Variants in PRKAG2 observed in about 807,000 individuals in gnomAD.
The protein encoded by PRKAG2 is protein kinase AMP-activated non-catalytic subunit gamma 2.
Under a neutral mutation model 69.6 loss-of-function variants are expected in PRKAG2, and 26 were observed. The ratio of observed to expected loss-of-function variants is 0.37; its 90% CI spans 0.27 to 0.52. PRKAG2 has a LOEUF of 0.52. Ranked by LOEUF, PRKAG2 falls within the 20% of genes least tolerant of loss-of-function variation. The pLI is 0.90. For synonymous variants in PRKAG2, 293 were observed against 285.0 expected, an observed-to-expected ratio of 1.03 and a Z score of -0.28; for missense variants, 557 against 740.0, an observed-to-expected ratio of 0.75 and a Z score of 2.87.
intron 3 of PRKAG2, among the ~76,000 whole-genome samples, chr7:151,725,400 A>C (rs1380535510): frequency 2.0e-5 from 3 of 151,984 alleles, no homozygotes; most frequent in Non-Finnish European, 4.4e-5. Context: ...ATGGGGAGTC[A>C]GGGTTGATGG....
intron 4 of PRKAG2, among the ~76,000 whole-genome samples, chr7:151,672,633 G>A (rs13228496): frequency 1.3e-4 from 20 of 151,780 alleles, no homozygotes; most frequent in Non-Finnish European, 2.5e-4. Flanking sequence ...TGCAGTATGC[G>A]TCCTTTTGTG....
intron 1 of PRKAG2, among the ~76,000 whole-genome samples, chr7:151,873,032 A>G (rs2080257684): frequency 6.6e-6 from 1 of 152,238 alleles, no homozygotes; most frequent in African/African-American, 2.4e-5. Context: ...TACCTATGCT[A>G]AAACATGATT....
chr7:151,669,895 C>CACCTGCATGCACAT (rs1554527009), intron 4 of PRKAG2, among the ~76,000 whole-genome samples: 2 of 151,208 alleles, frequency 1.3e-5, no homozygotes, highest in South Asian at 2.1e-4. Flanking sequence ...CATGCACACA[C>CACCTGCATGCACAT]ACCTGCATGC....
At chr7:151,607,677 A>G (rs2151198577) in intron 5 of PRKAG2, among the ~76,000 whole-genome samples, 1 of 152,172 alleles carries the variant, frequency 6.6e-6, no homozygotes, top group East Asian at 1.9e-4. Flanking sequence ...TAGGAATCTC[A>G]TCTCTAGGAT....
intron 3 of PRKAG2, among the ~76,000 whole-genome samples, chr7:151,730,445 C>G (rs537850922): frequency 6.6e-6 from 1 of 152,292 alleles, no homozygotes; most frequent in East Asian, 1.9e-4. Context: ...CGTGGAGGAT[C>G]GCTTGAGCCC....
At chr7:151,669,985 C>T (rs927130755) in intron 4 of PRKAG2, among the ~76,000 whole-genome samples, 6 of 112,248 alleles carry the variant, frequency 5.3e-5, no homozygotes, top group African/African-American at 2.1e-4. Context: ...TGTGCACACA[C>T]ACTTGCATGC....
At chr7:151,652,356 C>A (rs1828673446) in intron 4 of PRKAG2, among the ~76,000 whole-genome samples, 2 of 152,138 alleles carry the variant, frequency 1.3e-5, no homozygotes, top group Non-Finnish European at 2.9e-5. Flanking sequence ...GAGAATTCCA[C>A]CGAATTCTTC....
chr7:151,874,515 A>T lies in PRKAG2; in HGVS notation c.114+1992T>A, dbSNP rs772992792. On this transcript the variant is annotated intron_variant, in intron 1 of 15. Transcript: ENST00000287878. ...ATGTATATGTATATGATGTATATGT[A>T]TATGTATATGATGTATATGTATATG... Among the ~76,000 whole-genome samples the T allele has an allele frequency of 3.2e-4, 37 of 117,428 alleles. 3 individuals are homozygous for T. The highest frequency in any genetic ancestry group is 4.1e-3 in the Middle Eastern group (1 of 242). The allele number at this position is 117,428 out of a possible 152,430, so 77.0% of individuals were successfully genotyped here. A position where few individuals can be genotyped will look rare whatever the true frequency, so the allele number is the denominator to read the frequency against.
intron 3 of PRKAG2, among the ~76,000 whole-genome samples, chr7:151,690,921 T>C (rs1443076538): frequency 6.6e-6 from 1 of 152,248 alleles, no homozygotes; most frequent in Admixed American, 6.5e-5. Flanking sequence ...CCATGGGGCC[T>C]GGTGCACTGT....
chr7:151,764,099 T>A (rs1246530543), intron 3 of PRKAG2, among the ~76,000 whole-genome samples: 1 of 152,130 alleles, frequency 6.6e-6, no homozygotes, highest in Non-Finnish European at 1.5e-5. Flanking sequence ...TTTGCGCAGG[T>A]GGACGGGGTG....
rs547066899 is a variant in PRKAG2, at chr7:151,634,526, TA to T, written c.685-2389del. On this transcript the variant is annotated intron_variant, in intron 4 of 15. Transcript: ENST00000287878. ...GAGGATGAAAAGAAAAGCTACACAG[TA>T]GGAGAAAATACTTGCAAATCACATA... Among the ~76,000 whole-genome samples the T allele has an allele frequency of 3.1e-4, 47 of 152,180 alleles. 1 individual carries two copies. The East Asian group carries it at 7.3e-3, about 24-fold the overall frequency.
At chr7:151,795,462 T>A (rs1019158476) in intron 1 of PRKAG2, among the ~76,000 whole-genome samples, 3 of 152,016 alleles carry the variant, frequency 2.0e-5, no homozygotes, top group African/African-American at 7.2e-5. Context: ...GGGGAGGGGA[T>A]GTTATGGGAC....
intron 6 of PRKAG2, among the ~76,000 whole-genome samples, chr7:151,590,276 G>A (rs910376158): frequency 6.6e-6 from 1 of 152,244 alleles, no homozygotes; most frequent in Non-Finnish European, 1.5e-5. Context: ...CCCACAGACA[G>A]AGAACCCAAC....
At chr7:151,648,185 C>A (rs1827871455) in intron 4 of PRKAG2, among the ~76,000 whole-genome samples, 1 of 152,090 alleles carries the variant, frequency 6.6e-6, no homozygotes, top group Non-Finnish European at 1.5e-5. Flanking sequence ...TCAGCTATGC[C>A]TCCCAAACTT....
chr7:151,598,877 G>A (rs1225183931), intron 5 of PRKAG2, among the ~76,000 whole-genome samples: 1 of 151,168 alleles, frequency 6.6e-6, no homozygotes, highest in Admixed American at 6.6e-5. Flanking sequence ...TTGAGACAGA[G>A]TTTAGCTCTT....
At chr7:151,800,991 A>C (rs1385280570) in intron 1 of PRKAG2, among the ~76,000 whole-genome samples, 1 of 152,184 alleles carries the variant, frequency 6.6e-6, no homozygotes, top group African/African-American at 2.4e-5. Flanking sequence ...AGGTTCTGTA[A>C]ACCTAAAACT....
chr7:151,702,331 A>G (rs1226576048), intron 3 of PRKAG2, among the ~76,000 whole-genome samples: 2 of 152,210 alleles, frequency 1.3e-5, no homozygotes, highest in African/African-American at 4.8e-5. Flanking sequence ...TCAAAGGGAC[A>G]TCAGTAGGCA....
chr7:151,560,513 C>G lies in PRKAG2; in HGVS notation c.1678+11G>C. Reference sequence around the variant, plus strand: ...GACGCCGATGGCAAAGGTCAGAAACCAGCATTTTACCTGCTGGTGTGAGGA... The same window carrying G: ...GACGCCGATGGCAAAGGTCAGAAACGAGCATTTTACCTGCTGGTGTGAGGA... On this transcript the variant is annotated intron_variant, in intron 15 of 15. Coordinates refer to ENST00000287878, the MANE Select transcript of PRKAG2 (RefSeq NM_016203.4). 1.2e-6 allele frequency: 2 copies of G among 1,614,116 alleles called. No homozygotes were observed. The highest frequency in any genetic ancestry group is 1.7e-6 in the Non-Finnish European group (2 of 1,180,010).
chr7:151,632,123 C>T lies in PRKAG2; in HGVS notation c.700G>A (p.Ala234Thr). The change falls in exon 5 of 16, where the codon GCC becomes ACC. Residue 234 changes from alanine to threonine, a missense_variant. Transcript: ENST00000287878. This position sits in a 1 kb window ranked among gnomAD's most constrained non-coding sequence, Gnocchi z 4.2. The stretch of plus-strand genomic sequence containing the variant: ...ATGCCGGCTTCCGCGGGTCCCAGGG[C>T]CGCCGCCAGCGCCGCCTGAGGGGGA... ...APSKAAALAA[A>T]LGPAEAGMLE... The T allele has an allele frequency of 1.4e-6, 2 of 1,408,268 alleles. No homozygotes were observed. The highest frequency in any genetic ancestry group is 1.9e-6 in the Non-Finnish European group (2 of 1,067,438). 87.2% of individuals were successfully genotyped at this position (1,408,268 alleles called of 1,614,324 possible).
Sources: gnomAD v4.1 joint callset for allele counts (sites outside exome capture counted in the v4.1 genomes callset) on GRCh38, gnomAD v4.1.1 for gene constraint, Gnocchi (gnomAD v3.1) non-coding constraint, MANE v1.5 for transcripts, NCBI Gene and HGNC (gene_info 2026-07-23, HGNC 2026-07-21) for gene names.